Variants in CNFN observed in about 807,000 individuals in gnomAD.
CNFN encodes cornefied envelope protein cornefilin.
A neutral mutation model predicts 14.9 loss-of-function variants in CNFN; 10 were observed. The observed-to-expected ratio is 0.67, with a 90% CI of 0.41 to 1.14. The LOEUF (loss-of-function observed/expected upper bound fraction) is 1.14, where lower values mean the gene tolerates loss of function less well. Ranked by LOEUF, CNFN falls within the 50% of genes most tolerant of loss-of-function variation. CNFN has a pLI of 0.00. For missense variants in CNFN, 165 were observed against 152.8 expected (o/e 1.08, Z -0.42); for synonymous variants, 66 against 60.0 (o/e 1.10, Z -0.46).
Position 42,388,975 on chromosome 19 carries a change from G to A in CNFN, c.63C>T (p.Leu21=). 1 of 1,613,990 alleles carries A rather than the reference G, an allele frequency of 6.2e-7. No homozygotes were observed. Among genetic ancestry groups the A allele is most frequent in the South Asian group, 1.1e-5 (1 of 91,082 alleles). Residue 21 remains leucine (L), a synonymous_variant, in exon 2 of 4, where the codon CTC becomes CTT. Coordinates refer to ENST00000222032, the MANE Select transcript of CNFN (RefSeq NM_032488.4). Reference sequence around the variant, plus strand: ...CCGTGAGACCTGTGTGCCAGTCACTGAGCTGGGTCTGGTAGCAGCTGGTGG... The same window carrying A: ...CCGTGAGACCTGTGTGCCAGTCACTAAGCTGGGTCTGGTAGCAGCTGGTGG... ...CATTSCYQTQ[L]SDWHTGLTDC... is the part of the protein sequence containing the mutation.
Position 42,387,490 on chromosome 19 carries a change from A to T in CNFN, c.113-14T>A. Reference sequence around the variant, plus strand: ...TGCCGCACAGACCTGGGCGGGGCGCAGGCGCTCAGGGGCGGGGCCAGCCGG... The same window carrying T: ...TGCCGCACAGACCTGGGCGGGGCGCTGGCGCTCAGGGGCGGGGCCAGCCGG... On this transcript the variant is annotated splice_polypyrimidine_tract_variant and intron_variant, in intron 2 of 3. Coordinates refer to ENST00000222032, the MANE Select transcript of CNFN (RefSeq NM_032488.4). 6.5e-7 allele frequency: 1 copy of T among 1,548,658 alleles called. No homozygotes were observed. The highest frequency in any genetic ancestry group is 1.2e-5 in the South Asian group (1 of 84,304).
intron 1 of CNFN, 99 bp from the exon 2 acceptor site, chr19:42,389,138 G>T: frequency 2.4e-6 from 2 of 823,966 alleles, no homozygotes; most frequent in Non-Finnish European, 3.8e-6. Flanking sequence ...GTCTGGGCGG[G>T]GCCGCCAGGC....
Position 42,387,465 on chromosome 19 carries a change from T to C in CNFN, c.124A>G (p.Thr42Ala), listed in dbSNP as rs910371336. 1 of 1,585,496 alleles carries C rather than the reference T, an allele frequency of 6.3e-7. No homozygotes were observed. Among genetic ancestry groups the C allele is most frequent in the Admixed American group, 1.8e-5 (1 of 56,542 alleles). Reference protein sequence around the residue: ...CNDMPVCLCGTFAPLCLACRI... With the variant: ...CNDMPVCLCGAFAPLCLACRI... ...CAGGCAAGGCACAGAGGAGCAAAAG[T>C]GCCGCACAGACCTGGGCGGGGCGCA... The change falls in exon 3 of 4, where the codon ACT becomes GCT. Residue 42 changes from threonine to alanine, a missense_variant. Coordinates refer to ENST00000222032, the MANE Select transcript of CNFN (RefSeq NM_032488.4).
intron 1 of CNFN, chr19:42,389,560 C>T: frequency 7.8e-7 from 1 of 1,285,814 alleles, no homozygotes; most frequent in Non-Finnish European, 1.0e-6. Flanking sequence ...TTGGGGACGG[C>T]AGAAGTGGCT....
At chr19:42,389,084 T>C (rs73556315) in intron 1 of CNFN, 45 bp from the exon 2 acceptor site, 124,366 of 1,425,236 alleles carry the variant, frequency 0.087, 8,604 homozygotes, top group African/African-American at 0.31. Context: ...CCTCGCAGCA[T>C]CTCCTGGGCC....
Position 42,387,473 on chromosome 19 carries a change from A to G in CNFN, c.116T>C (p.Leu39Pro). 1 of 1,576,160 alleles carries G rather than the reference A, an allele frequency of 6.3e-7. No individual in the cohort carries two copies. ...TDCCNDMPVC[L>P]CGTFAPLCLA... ...GCACAGAGGAGCAAAAGTGCCGCAC[A>G]GACCTGGGCGGGGCGCAGGCGCTCA... Residue 39 changes from leucine to proline, a missense_variant, in exon 3 of 4, where the codon CTG (leucine) becomes CCG (proline). Transcript: ENST00000222032.
At chr19:42,389,973 C>T (rs745478400) in intron 1 of CNFN, among the ~76,000 whole-genome samples, 5 of 152,210 alleles carry the variant, frequency 3.3e-5, no homozygotes, top group Admixed American at 1.3e-4. Flanking sequence ...GGCTCAGAGA[C>T]ATGAGGAGGA....
rs1433094893 is a variant in CNFN, at chr19:42,389,426, C to CA, written c.-2-388dup. 5.6e-6 allele frequency: 7 copies of CA among 1,260,822 alleles called. No individual in the cohort carries two copies. In the Admixed American group the frequency reaches 1.6e-4, roughly 29 times the overall value. 78.1% of individuals were successfully genotyped at this position (1,260,822 alleles called of 1,614,324 possible). The stretch of plus-strand genomic sequence containing the variant: ...CGTCTGTCTTCGAAGCAAGGGTGCC[C>CA]AGGGGAGGGAGGCGGCCAGGTTCCA... On this transcript the variant is annotated intron_variant, in intron 1 of 3. Transcript: ENST00000222032.
rs2039877723 is a variant in CNFN, at chr19:42,389,008, C to G, written c.30G>C (p.Gln10His). MSYPVTSQP[Q>H]CATTSCYQTQ... Reference sequence around the variant, plus strand: ...TCTGGTAGCAGCTGGTGGTGGCGCACTGGGGCTGACTGGTCACAGGGTAGG... The same window carrying G: ...TCTGGTAGCAGCTGGTGGTGGCGCAGTGGGGCTGACTGGTCACAGGGTAGG... Residue 10 changes from glutamine (Q) to histidine (H), a missense_variant, in exon 2 of 4, where the codon CAG becomes CAC. Gln to His is a conservative substitution (Grantham distance 24). Coordinates refer to ENST00000222032, the MANE Select transcript of CNFN (RefSeq NM_032488.4). 1.2e-6 allele frequency: 2 copies of G among 1,613,848 alleles called. No homozygotes were observed. Among genetic ancestry groups the G allele is most frequent in the Non-Finnish European group, 1.7e-6 (2 of 1,179,966 alleles).
intron 2 of CNFN, among the ~76,000 whole-genome samples, chr19:42,387,762 A>G (rs2147531279): frequency 6.7e-6 from 1 of 148,420 alleles, no homozygotes; most frequent in Non-Finnish European, 1.5e-5. Flanking sequence ...CGGGAGGATC[A>G]CGAGGTCAGG....
chr19:42,389,466 G>A (rs747883339), intron 1 of CNFN: 1 of 1,291,944 alleles, frequency 7.7e-7, no homozygotes. Flanking sequence ...TGAGAGGGTT[G>A]CTGGTCCACC....
At chr19:42,388,877 C>G (rs760456218) in intron 2 of CNFN, 49 bp downstream of exon 2, 6 of 1,432,024 alleles carry the variant, frequency 4.2e-6, no homozygotes, top group South Asian at 3.6e-5. Context: ...CTGATTCCCC[C>G]CAAACCCATC....
At chr19:42,387,513 C>T (rs1290057017) in intron 2 of CNFN, 37 bp from the exon 3 acceptor site, 4 of 1,494,658 alleles carry the variant, frequency 2.7e-6, no homozygotes, top group African/African-American at 1.4e-5. Flanking sequence ...CGGGGCCAGC[C>T]GGGGCCTCCC....
intron 1 of CNFN, among the ~76,000 whole-genome samples, 172 bp from the exon 2 acceptor site, chr19:42,389,211 A>G (rs1350491388): frequency 1.3e-5 from 2 of 152,018 alleles, no homozygotes; most frequent in Non-Finnish European, 2.9e-5. Context: ...GGCACCGGCA[A>G]CCCCAGTCTG....
At chr19:42,388,809 G>A (rs2147532578) in intron 2 of CNFN, 117 bp downstream of exon 2, 2 of 672,846 alleles carry the variant, frequency 3.0e-6, no homozygotes, top group Middle Eastern at 2.5e-4. Flanking sequence ...TCCAGGGAAG[G>A]GAGGTGGGAG....
chr19:42,387,136 G>C lies in CNFN; in HGVS notation c.*17C>G. On this transcript the variant is annotated 3_prime_UTR_variant, in exon 4 of 4. Transcript: ENST00000222032. ...GGCGAGACTGGTGGAAAAGGACGGG[G>C]AAGACAGGGAACTTCCTTACTCTCG... The C allele has an allele frequency of 6.2e-7, 1 of 1,613,458 alleles. No individual in the cohort carries two copies. Among genetic ancestry groups the C allele is most frequent in the Non-Finnish European group, 8.5e-7 (1 of 1,179,372 alleles).
In CNFN at chr19:42,388,908, G is replaced by T; in HGVS notation, c.112+18C>A. ...CCATCTTCCACCAGGCCTGGAGAGG[G>T]AGCAGGCAGGCACTCACAGACAGGC... On this transcript the variant is annotated intron_variant, in intron 2 of 3. Coordinates refer to ENST00000222032, the MANE Select transcript of CNFN (RefSeq NM_032488.4). 2 of 1,575,966 alleles carry T rather than the reference G, an allele frequency of 1.3e-6. No individual in the cohort carries two copies. Among genetic ancestry groups the T allele is most frequent in the South Asian group, 2.2e-5 (2 of 89,800 alleles).
Position 42,387,125 on chromosome 19 carries a change from A to T in CNFN, c.*28T>A. 6.2e-7 allele frequency: 1 copy of T among 1,611,286 alleles called. No homozygotes were observed. Among genetic ancestry groups the T allele is most frequent in the Non-Finnish European group, 8.5e-7 (1 of 1,177,502 alleles). ...AGAAGGCCAGAGGCGAGACTGGTGG[A>T]AAAGGACGGGGAAGACAGGGAACTT... On this transcript the variant is annotated 3_prime_UTR_variant, in exon 4 of 4. Transcript: ENST00000222032.
Position 42,387,228 on chromosome 19 carries a change from G to C in CNFN, c.264C>G (p.His88Gln), listed in dbSNP as rs746039564. The C allele has an allele frequency of 3.7e-6, 6 of 1,614,056 alleles. No homozygotes were observed. The highest frequency in any genetic ancestry group is 5.1e-6 in the Non-Finnish European group (6 of 1,179,948). ...GACAAAAGGTGAGGGCCGCCCAGTC[G>C]TGCCCGACGGAGCCCTAGAGGGTAG... Reference protein sequence around the residue: ...ERYHIQGSVGHDWAALTFCLP... With the variant: ...ERYHIQGSVGQDWAALTFCLP... Residue 88 changes from histidine (H) to glutamine (Q), a missense_variant, in exon 4 of 4, where the codon CAC (histidine) becomes CAG (glutamine). By Grantham distance (24) the His-to-Gln change is conservative. Transcript: ENST00000222032.
Sources: gnomAD v4.1 joint callset for allele counts (sites outside exome capture counted in the v4.1 genomes callset) on GRCh38, gnomAD v4.1.1 for gene constraint, MANE v1.5 for transcripts, NCBI Gene and HGNC (gene_info 2026-07-23, HGNC 2026-07-21) for gene names.